Variants in PLEKHG3 observed in about 807,000 individuals in gnomAD.
PLEKHG3 encodes the protein pleckstrin homology and RhoGEF domain containing G3, also known as pleckstrin homology domain-containing family G member 3.
PLEKHG3 carries 62 observed loss-of-function variants against 94.9 expected under a neutral mutation model. The observed-to-expected ratio is 0.65, with a 90% CI of 0.53 to 0.81. PLEKHG3 has a LOEUF of 0.81. Ranked by LOEUF, PLEKHG3 falls within the 30% of genes least tolerant of loss-of-function variation. PLEKHG3 has a pLI of 0.00. For synonymous variants in PLEKHG3, 614 were observed against 654.0 expected (o/e 0.94, Z 0.93); for missense variants, 1,461 against 1,619.3 (o/e 0.90, Z 1.68).
intron 1 of PLEKHG3, among the ~76,000 whole-genome samples, chr14:64,719,659 G>A (rs1000590554): frequency 8.6e-5 from 13 of 152,028 alleles, no homozygotes; most frequent in Non-Finnish European, 1.8e-4. Context: ...GAGGGACCCA[G>A]TGGGGGCCCC....
In PLEKHG3 at chr14:64,731,722, C is replaced by G; in HGVS notation, c.1041C>G (p.Ser347=). The G allele has an allele frequency of 6.2e-7, 1 of 1,612,542 alleles. No homozygotes were observed. Residue 347 remains serine (S), a synonymous_variant, in exon 9 of 17, where the codon TCC becomes TCG. Coordinates refer to ENST00000247226, the MANE Select transcript of PLEKHG3 (RefSeq NM_001308147.2). The surrounding 1 kb of genome is among the most constrained non-coding windows in gnomAD (Gnocchi z 6.1). Reference sequence around the variant, plus strand: ...TTTCCCTCTGCCCCTAGTGCTCCTCCCTGATGCTGATCGAAAGCACCAGAG... The same window carrying G: ...TTTCCCTCTGCCCCTAGTGCTCCTCGCTGATGCTGATCGAAAGCACCAGAG... ...FVYKGNIPCS[S]LMLIESTRDS... is the part of the protein sequence containing the mutation.
At position 64,728,090 on chromosome 14, in the gene PLEKHG3, G is replaced by A; in HGVS notation, c.351+108G>A. ...CCCATAAAGTAGTTGGAGAACTGGGGTCTCCCACCCTCGCTGACTGCACTG... is the reference window on the plus strand; with the variant it reads ...CCCATAAAGTAGTTGGAGAACTGGGATCTCCCACCCTCGCTGACTGCACTG... On this transcript the variant is annotated intron_variant, in intron 2 of 16. Transcript: ENST00000247226. This position sits in a 1 kb window ranked among gnomAD's most constrained non-coding sequence, Gnocchi z 5.9. 4 of 713,940 alleles carry A rather than the reference G, an allele frequency of 5.6e-6. No individual in the cohort carries two copies. The East Asian group carries it at 1.1e-4, about 20-fold the overall frequency. 44.2% of individuals were successfully genotyped at this position (713,940 alleles called of 1,614,324 possible).
At chr14:64,733,126 C>A (rs2081504254) in intron 12 of PLEKHG3, among the ~76,000 whole-genome samples, 2 of 151,428 alleles carry the variant, frequency 1.3e-5, no homozygotes, top group South Asian at 4.2e-4. Flanking sequence ...TGGAGCCCAC[C>A]TTTTTCTTAC....
intron 1 of PLEKHG3, among the ~76,000 whole-genome samples, chr14:64,705,939 C>G (rs2080964846): frequency 1.3e-5 from 2 of 152,210 alleles, no homozygotes; most frequent in South Asian, 4.1e-4. Context: ...CTTTCGACAC[C>G]TGCTGTCCTC....
chr14:64,706,684 A>G (rs1205820193), intron 1 of PLEKHG3, among the ~76,000 whole-genome samples: 1 of 152,214 alleles, frequency 6.6e-6, no homozygotes, highest in African/African-American at 2.4e-5. Context: ...TTAATATCTC[A>G]GCCCCAGAGT....
chr14:64,721,116 G>C lies in PLEKHG3; in HGVS notation c.-39-6477G>C, dbSNP rs1402920056. Among the ~76,000 whole-genome samples the C allele has an allele frequency of 1.3e-5, 2 of 152,226 alleles. No homozygotes were observed. Among genetic ancestry groups the C allele is most frequent in the East Asian group, 3.8e-4 (2 of 5,198 alleles). ...GGTGACATTCATAGGTTGAGGGTCAGGCTGTAGATATCCTTGGGTGGGGGC... is the reference window on the plus strand; with the variant it reads ...GGTGACATTCATAGGTTGAGGGTCACGCTGTAGATATCCTTGGGTGGGGGC... On this transcript the variant is annotated intron_variant, in intron 1 of 16. Coordinates refer to ENST00000247226, the MANE Select transcript of PLEKHG3 (RefSeq NM_001308147.2). This position sits in a 1 kb window ranked among gnomAD's most constrained non-coding sequence, Gnocchi z 4.3.
At chr14:64,719,388 G>A (rs979613798) in intron 1 of PLEKHG3, among the ~76,000 whole-genome samples, 2 of 151,818 alleles carry the variant, frequency 1.3e-5, no homozygotes, top group South Asian at 2.1e-4. Flanking sequence ...TCAGATGTAC[G>A]GGTTACTTAC....
chr14:64,723,438 AG>A lies in PLEKHG3; in HGVS notation c.-39-4154del, dbSNP rs2081299336. Among the ~76,000 whole-genome samples, 1 of 152,150 alleles carries A rather than the reference AG, an allele frequency of 6.6e-6. No individual in the cohort carries two copies. Among genetic ancestry groups the A allele is most frequent in the Non-Finnish European group, 1.5e-5 (1 of 68,026 alleles). On this transcript the variant is annotated intron_variant, in intron 1 of 16. Coordinates refer to ENST00000247226, the MANE Select transcript of PLEKHG3 (RefSeq NM_001308147.2). This position sits in a 1 kb window ranked among gnomAD's most constrained non-coding sequence, Gnocchi z 4.5. ...GAGGGAGACCCTGCCTCAAAAAAAG[AG>A]AAAAGTCTTTGGGGACCTGCTCAAA... is the stretch of plus-strand genomic sequence containing the variant.
chr14:64,730,526 G>A lies in PLEKHG3; in HGVS notation c.520-116G>A. On this transcript the variant is annotated intron_variant, in intron 4 of 16. Coordinates refer to ENST00000247226, the MANE Select transcript of PLEKHG3 (RefSeq NM_001308147.2). This position sits in a 1 kb window ranked among gnomAD's most constrained non-coding sequence, Gnocchi z 5.4. Reference sequence around the variant, plus strand: ...AAATAGGTATAAAGATGGCTCTGTAGGCATTTGGGAACAGGGGACAGAGGG... The same window carrying A: ...AAATAGGTATAAAGATGGCTCTGTAAGCATTTGGGAACAGGGGACAGAGGG... The A allele has an allele frequency of 1.2e-6, 1 of 865,446 alleles. No homozygotes were observed. 53.6% of individuals were successfully genotyped at this position (865,446 alleles called of 1,614,324 possible).
chr14:64,747,054 G>A lies in PLEKHG3; in HGVS notation c.*3351G>A, dbSNP rs757747159. The A allele has an allele frequency of 6.5e-6, 1 of 152,724 alleles. No individual in the cohort carries two copies. The highest frequency in any genetic ancestry group is 1.5e-5 in the Non-Finnish European group (1 of 68,100). The allele number at this position is 152,724 out of a possible 1,614,324, so 9.5% of individuals were successfully genotyped here. The stretch of plus-strand genomic sequence containing the variant: ...TGTGTGGGGAGCTGGCAACAGAATG[G>A]TCACATGCAGCTGGCTGCCCTGGAC... On this transcript the variant is annotated 3_prime_UTR_variant, in exon 17 of 17. Transcript: ENST00000247226.
intron 1 of PLEKHG3, among the ~76,000 whole-genome samples, chr14:64,713,581 A>T (rs1003523301): frequency 6.6e-6 from 1 of 152,218 alleles, no homozygotes; most frequent in Non-Finnish European, 1.5e-5. Flanking sequence ...ACATTTCCTT[A>T]TCATCCTTTA....
rs745472217 is a variant in PLEKHG3 at position 64,716,024 on chromosome 14, G to C, written c.-40+11320G>C. 4.4e-6 allele frequency: 2 copies of C among 456,232 alleles called. No homozygotes were observed. The highest frequency in any genetic ancestry group is 2.3e-5 in the Admixed American group (1 of 42,570). 28.3% of individuals were successfully genotyped at this position (456,232 alleles called of 1,614,324 possible). ...TTAACTGCTAGGTTGCCGGTGCTGG[G>C]GACAATGCGGCTGCCCGGCCCCTCG... On this transcript the variant is annotated intron_variant, in intron 1 of 16. Transcript: ENST00000247226. This position sits in a 1 kb window ranked among gnomAD's most constrained non-coding sequence, Gnocchi z 5.0.
intron 1 of PLEKHG3, among the ~76,000 whole-genome samples, chr14:64,714,865 A>G (rs1199387738): frequency 6.6e-6 from 1 of 152,150 alleles, no homozygotes; most frequent in East Asian, 1.9e-4. Flanking sequence ...CAGTGGCCAA[A>G]ATGAGAAGTA....
At position 64,743,757 on chromosome 14, in the gene PLEKHG3, G is replaced by T; in HGVS notation, c.*54G>T. On this transcript the variant is annotated 3_prime_UTR_variant, in exon 17 of 17. Transcript: ENST00000247226. This position sits in a 1 kb window ranked among gnomAD's most constrained non-coding sequence, Gnocchi z 7.2. ...TGTTGGAGGTTGGGGAAGAACCTGGGCATCCTTCCCCTCAAGCCTGGGCTC... is the reference window on the plus strand; with the variant it reads ...TGTTGGAGGTTGGGGAAGAACCTGGTCATCCTTCCCCTCAAGCCTGGGCTC... The T allele has an allele frequency of 1.3e-6, 2 of 1,494,530 alleles. No individual in the cohort carries two copies. The highest frequency in any genetic ancestry group is 1.8e-6 in the Non-Finnish European group (2 of 1,127,066). 92.6% of individuals were successfully genotyped at this position (1,494,530 alleles called of 1,614,324 possible).
At position 64,741,341 on chromosome 14, in the gene PLEKHG3, A is replaced by G. The variant is rs150312118; in HGVS notation, c.1824A>G (p.Arg608=). The G allele has an allele frequency of 1.9e-5, 30 of 1,613,622 alleles. No individual in the cohort carries two copies. In the African/African-American group the frequency reaches 3.6e-4, roughly 19 times the overall value. Residue 608 remains arginine (R), a synonymous_variant, in exon 16 of 17, where the codon CGA becomes CGG. Transcript: ENST00000247226. The part of the protein sequence containing the change: ...VLDQASVIAE[R]FVSSFSRRSS... The stretch of plus-strand genomic sequence containing the variant: ...ACCAGGCCAGCGTCATTGCGGAGCG[A>G]TTTGTCAGCAGCTTCTCTCGGCGGA...
chr14:64,723,494 A>AGT lies in PLEKHG3; in HGVS notation c.-39-4098_-39-4097insTG. Among the ~76,000 whole-genome samples the AGT allele has an allele frequency of 9.3e-6, 1 of 107,442 alleles. No homozygotes were observed. Among genetic ancestry groups the AGT allele is most frequent in the South Asian group, 2.9e-4 (1 of 3,446 alleles). 70.5% of individuals were successfully genotyped at this position (107,442 alleles called of 152,430 possible). On this transcript the variant is annotated intron_variant, in intron 1 of 16. Coordinates refer to ENST00000247226, the MANE Select transcript of PLEKHG3 (RefSeq NM_001308147.2). This position sits in a 1 kb window ranked among gnomAD's most constrained non-coding sequence, Gnocchi z 4.5. ...GTTTCACAAGTATAGGACTTGAGAA[A>AGT]GAGTTTTCTTTTTTCTTTTTTTTTG...
In PLEKHG3 at chr14:64,739,021, G is replaced by C. The variant is rs1272679275; in HGVS notation, c.1518+166G>C. 6.6e-6 allele frequency among the ~76,000 whole-genome samples: 1 copy of C among 152,206 alleles called. No individual in the cohort carries two copies. Among genetic ancestry groups the C allele is most frequent in the East Asian group, 1.9e-4 (1 of 5,202 alleles). The stretch of plus-strand genomic sequence containing the variant: ...CCCTGCATGAAGCCTGTTTGGCCTA[G>C]AGTATATGGTTTGGTGAGCAGACCA... On this transcript the variant is annotated intron_variant, in intron 15 of 16. Coordinates refer to ENST00000247226, the MANE Select transcript of PLEKHG3 (RefSeq NM_001308147.2). The surrounding 1 kb of genome is among the most constrained non-coding windows in gnomAD (Gnocchi z 4.1).
rs1477324372 is a variant in PLEKHG3, at chr14:64,743,354, A to G, written c.3311A>G (p.Lys1104Arg). ...GGCCGCTGCCGCAGCCTGAGCACCAAGAGGGGCCGGGGAGGCGGAGAGGCT... is the reference window on the plus strand; with the variant it reads ...GGCCGCTGCCGCAGCCTGAGCACCAGGAGGGGCCGGGGAGGCGGAGAGGCT... ...RVGRCRSLST[K>R]RGRGGGEAAQ... The change falls in exon 17 of 17, where the codon AAG (lysine) becomes AGG (arginine). Residue 1104 changes from lysine to arginine, a missense_variant. Lys to Arg is a conservative substitution (Grantham distance 26, BLOSUM62 2). This residue lies in a region of PLEKHG3 where 1,201 missense variants were observed against 1,295.5 expected (regional missense o/e 0.93). Transcript: ENST00000247226. This position sits in a 1 kb window ranked among gnomAD's most constrained non-coding sequence, Gnocchi z 7.2. 3 of 1,607,996 alleles carry G rather than the reference A, an allele frequency of 1.9e-6. No individual in the cohort carries two copies. Among genetic ancestry groups the G allele is most frequent in the Admixed American group, 3.3e-5 (2 of 59,764 alleles).
rs973393540 is a variant in PLEKHG3, at chr14:64,720,041, C to A, written c.-39-7552C>A. On this transcript the variant is annotated intron_variant, in intron 1 of 16. Coordinates refer to ENST00000247226, the MANE Select transcript of PLEKHG3 (RefSeq NM_001308147.2). This position sits in a 1 kb window ranked among gnomAD's most constrained non-coding sequence, Gnocchi z 4.1. ...CAAGTTGTGCTGGCAGCCAAGTTACCTCTACACTGGCTGTGAACAAGAGCA... is the reference window on the plus strand; with the variant it reads ...CAAGTTGTGCTGGCAGCCAAGTTACATCTACACTGGCTGTGAACAAGAGCA... 6.6e-6 allele frequency among the ~76,000 whole-genome samples: 1 copy of A among 152,320 alleles called. No homozygotes were observed. Among genetic ancestry groups the A allele is most frequent in the African/African-American group, 2.4e-5 (1 of 41,576 alleles).
Sources: allele counts gnomAD v4.1 joint callset (sites outside exome capture counted in the v4.1 genomes callset), GRCh38; gene constraint gnomAD v4.1.1; regional missense constraint gnomAD v4.1.1; non-coding constraint Gnocchi (gnomAD v3.1); transcripts MANE v1.5; gene names NCBI Gene and HGNC (gene_info 2026-07-23, HGNC 2026-07-21).